Variants in RYR1 observed in about 807,000 individuals in gnomAD.
RYR1 encodes the protein ryanodine receptor 1.
RYR1 carries 342 observed loss-of-function variants against 583.5 expected under a neutral mutation model. The observed-to-expected ratio is 0.59, with a 90% CI of 0.54 to 0.64. The LOEUF (loss-of-function observed/expected upper bound fraction) is 0.64, where lower values mean the gene tolerates loss of function less well. RYR1 is among the 30% of genes least tolerant of loss of function. RYR1 has a pLI of 0.00. For missense variants in RYR1, 6,032 were observed against 6,917.2 expected (o/e 0.87, Z 4.54); for synonymous variants, 2,791 against 2,822.5 (o/e 0.99, Z 0.35).
Position 38,505,367 on chromosome 19 carries a change from T to C in RYR1, c.8369T>C (p.Met2790Thr). 1.2e-6 allele frequency: 2 copies of C among 1,612,156 alleles called. No individual in the cohort carries two copies. Among genetic ancestry groups the C allele is most frequent in the East Asian group, 2.2e-5 (1 of 44,878 alleles). Residue 2790 changes from methionine to threonine, a missense_variant, in exon 53 of 106, where the codon ATG (methionine) becomes ACG (threonine). Around this residue, in one of 11 missense-constraint regions of RYR1, gnomAD observed 1,493 missense variants for 1,715.5 expected, o/e 0.87. Transcript: ENST00000359596. ...NIDEELKTHP[M>T]LRPYKTFSEK... is the part of the protein sequence containing the mutation. ...GACGAGGAGCTGAAGACCCACCCCA[T>C]GCTGAGGCCCTACAAGACCTTTTCA... is the stretch of plus-strand genomic sequence containing the variant.
intron 28 of RYR1, 147 bp from the exon 29 acceptor site, chr19:38,475,171 G>GGGTA (rs1245056275): frequency 9.5e-7 from 1 of 1,050,342 alleles, no homozygotes; most frequent in East Asian, 2.6e-5. Flanking sequence ...GATTAGTCTG[G>GGGTA]GGTAGGTGGG....
At chr19:38,450,959 C>T (rs4802467) in intron 11 of RYR1, among the ~76,000 whole-genome samples, 96,480 of 151,980 alleles carry the variant, frequency 0.63, 31,175 homozygotes, top group Middle Eastern at 0.73. Flanking sequence ...GAAACTCTGC[C>T]GAGGACTCTG....
chr19:38,444,067 C>A lies in RYR1; in HGVS notation c.425-82C>A. 1.6e-6 allele frequency: 2 copies of A among 1,219,030 alleles called. No individual in the cohort carries two copies. The highest frequency in any genetic ancestry group is 2.4e-6 in the Non-Finnish European group (2 of 821,890). The allele number at this position is 1,219,030 out of a possible 1,614,324, so 75.5% of individuals were successfully genotyped here. ...AGTTGTGGGCCAAGGGCCCGGGAGG[C>A]CTGGTGGAGGGAGAGCCCTGGGGAA... On this transcript the variant is annotated intron_variant, in intron 5 of 105. Transcript: ENST00000359596. This position sits in a 1 kb window ranked among gnomAD's most constrained non-coding sequence, Gnocchi z 5.1.
chr19:38,535,436 CA>C (rs1971924611), intron 81 of RYR1, 44 bp downstream of exon 81: 6 of 1,401,202 alleles, frequency 4.3e-6, no homozygotes, highest in Non-Finnish European at 5.1e-6. Context: ...TGTTTGGTGC[CA>C]CTGCCACCCC....
intron 81 of RYR1, 66 bp downstream of exon 81, chr19:38,535,458 C>A: frequency 8.3e-7 from 1 of 1,198,800 alleles, no homozygotes; most frequent in Non-Finnish European, 1.2e-6. Context: ...ACTCCTGGTA[C>A]CATTTCCAGT....
At chr19:38,562,438 CACTT>C (rs551425508) in intron 90 of RYR1, among the ~76,000 whole-genome samples, 52 of 152,238 alleles carry the variant, frequency 3.4e-4, no homozygotes, top group Non-Finnish European at 6.2e-4. Context: ...CTTGCACACA[CACTT>C]GCTTGTTGTT....
chr19:38,580,301 CCCAGCATGGGCAGGGTGGGG>C, intron 100 of RYR1, 49 bp from the exon 101 acceptor site: 2 of 1,604,272 alleles, frequency 1.2e-6, no homozygotes, highest in Non-Finnish European at 1.7e-6. Context: ...GGGGCCAGGA[CCCAGCATGGGCAGGGTGGGG>C]GGAGGGCAAG....
At chr19:38,516,044 AAG>A in intron 64 of RYR1, 41 bp from the exon 65 acceptor site, 1 of 1,537,922 alleles carries the variant, frequency 6.5e-7, no homozygotes, top group East Asian at 2.5e-5. Flanking sequence ...CAGGACCCCA[AAG>A]AGGGGGACAC....
chr19:38,434,067 T>C (rs749444720), intron 1 of RYR1, among the ~76,000 whole-genome samples, 193 bp downstream of exon 1: 4 of 151,916 alleles, frequency 2.6e-5, no homozygotes, highest in Non-Finnish European at 2.9e-5. Context: ...ATTAGTAGGA[T>C]TGGGGACTCC....
At chr19:38,466,436 C>T (rs745444259) in intron 24 of RYR1, 38 bp downstream of exon 24, 16 of 1,531,570 alleles carry the variant, frequency 1.0e-5, no homozygotes, top group African/African-American at 6.9e-5. Flanking sequence ...TGACTCCTAC[C>T]CCAACTCTGA....
At chr19:38,557,152 C>G (rs562920616) in intron 89 of RYR1, among the ~76,000 whole-genome samples, 94 of 142,144 alleles carry the variant, frequency 6.6e-4, no homozygotes, top group African/African-American at 2.4e-3. Flanking sequence ...CTCCCAGGTT[C>G]AAGCGATTCT....
intron 93 of RYR1, 94 bp from the exon 94 acceptor site, chr19:38,570,513 C>T: frequency 1.2e-6 from 1 of 829,768 alleles, no homozygotes; most frequent in South Asian, 1.3e-5. Flanking sequence ...TATTGAGAGC[C>T]CAGGTACTTT....
chr19:38,502,453 C>T lies in RYR1; in HGVS notation c.7615-54C>T, dbSNP rs1007424992. 2.6e-6 allele frequency: 4 copies of T among 1,522,354 alleles called. No homozygotes were observed. In the African/African-American group the frequency reaches 5.5e-5, roughly 21 times the overall value. The allele number at this position is 1,522,354 out of a possible 1,614,324, so 94.3% of individuals were successfully genotyped here. On this transcript the variant is annotated intron_variant, in intron 47 of 105. Transcript: ENST00000359596. ...GGCCACAGTCGCTCAAGACAGGTGCCAGAGCAGCCCCAGGGGTGTGCAGCG... is the reference window on the plus strand; with the variant it reads ...GGCCACAGTCGCTCAAGACAGGTGCTAGAGCAGCCCCAGGGGTGTGCAGCG...
intron 5 of RYR1, 29 bp downstream of exon 5, chr19:38,443,825 G>C (rs1295128118): frequency 1.2e-6 from 2 of 1,610,974 alleles, no homozygotes; most frequent in African/African-American, 1.3e-5. Flanking sequence ...ATGGGGGTGT[G>C]AAGGGGCCCC....
chr19:38,545,345 A>G (rs1972379670), intron 87 of RYR1, among the ~76,000 whole-genome samples: 1 of 152,144 alleles, frequency 6.6e-6, no homozygotes, highest in Non-Finnish European at 1.5e-5. Flanking sequence ...TAAGATCTTG[A>G]GATTAGGAGT....
rs140686309 is a variant in RYR1 at position 38,460,514 on chromosome 19, C to A, written c.2500C>A (p.Arg834=). 6.2e-7 allele frequency: 1 copy of A among 1,614,162 alleles called. No homozygotes were observed. The highest frequency in any genetic ancestry group is 1.1e-5 in the South Asian group (1 of 91,086). The change falls in exon 20 of 106, where the codon CGG becomes AGG. Residue 834 remains arginine, a synonymous_variant. Transcript: ENST00000359596. ...CAAGGAGTATCGACGGGAGGGGCCC[C>A]GGGGGCCTCACCTGGTGGGCCCCAG... ...PIKEYRREGP[R]GPHLVGPSRC... is the part of the protein sequence containing the mutation.
intron 13 of RYR1, among the ~76,000 whole-genome samples, chr19:38,454,805 G>T (rs1234923366): frequency 6.6e-6 from 1 of 150,642 alleles, no homozygotes. Flanking sequence ...AAAAAGAAAA[G>T]AAAAGATAAA....
chr19:38,505,396 A>T lies in RYR1; in HGVS notation c.8398A>T (p.Lys2800Ter). The stretch of plus-strand genomic sequence containing the variant: ...GAGGCCCTACAAGACCTTTTCAGAG[A>T]AGGTGACCAGGCCTTGGGGCCCAGC... Reference protein sequence around the residue: ...MLRPYKTFSEKDKEIYRWPIK... With the variant: ...MLRPYKTFSE Residue 2800 changes from lysine to a stop codon, truncating the protein, a stop_gained and splice_region_variant, in exon 53 of 106, where the codon AAG (lysine) becomes TAG (stop). Transcript: ENST00000359596. LOFTEE classifies it high-confidence loss of function. The T allele has an allele frequency of 1.9e-6, 3 of 1,605,854 alleles. No individual in the cohort carries two copies. Among genetic ancestry groups the T allele is most frequent in the Non-Finnish European group, 2.6e-6 (3 of 1,174,886 alleles).
At chr19:38,502,054 G>A (rs1215436134) in intron 47 of RYR1, among the ~76,000 whole-genome samples, 1 of 152,096 alleles carries the variant, frequency 6.6e-6, no homozygotes, top group African/African-American at 2.4e-5. Flanking sequence ...CTACTAGGGA[G>A]GCTGAGGCAG....
Sources: allele counts gnomAD v4.1 joint callset (sites outside exome capture counted in the v4.1 genomes callset), GRCh38; gene constraint gnomAD v4.1.1; regional missense constraint gnomAD v4.1.1; non-coding constraint Gnocchi (gnomAD v3.1); transcripts MANE v1.5; gene names NCBI Gene and HGNC (gene_info 2026-07-23, HGNC 2026-07-21).